Variants in TTBK1 observed in about 807,000 individuals in gnomAD.
The protein encoded by TTBK1 is tau-tubulin kinase 1.
TTBK1 carries 34 observed loss-of-function variants against 108.5 expected under a neutral mutation model. That is an observed-to-expected ratio of 0.31 (90% confidence interval 0.24 to 0.42). The LOEUF (loss-of-function observed/expected upper bound fraction) is 0.42, where lower values mean the gene tolerates loss of function less well. Among genes scored for constraint, TTBK1 ranks in the 10% least tolerant of loss-of-function variants. The probability of loss-of-function intolerance (pLI) is 1.00; values close to 1 mark genes in which losing one functional copy is unlikely to be tolerated. For missense variants in TTBK1, 1,539 were observed against 1,826.0 expected (o/e 0.84, Z 2.86); for synonymous variants, 809 against 795.1 (o/e 1.02, Z -0.29).
At position 43,283,614 on chromosome 6, in the gene TTBK1, C is replaced by T. The variant is rs145187814; in HGVS notation, c.2874C>T (p.Gly958=). 3.0e-4 allele frequency: 483 copies of T among 1,614,122 alleles called. 3 individuals carry two copies. The Middle Eastern group carries it at 8.6e-3, about 29-fold the overall frequency. Reference sequence around the variant, plus strand: ...GGTCTGAGGAGTTCAGCGCTGGGGGCGAGCTGGGTCTGGAGCTGGCCTCTG... The same window carrying T: ...GGTCTGAGGAGTTCAGCGCTGGGGGTGAGCTGGGTCTGGAGCTGGCCTCTG... ...ALRSEEFSAG[G]ELGLELASDG... Residue 958 remains glycine, a synonymous_variant, in exon 14 of 15, where the codon GGC becomes GGT. Coordinates refer to ENST00000259750, the MANE Select transcript of TTBK1 (RefSeq NM_032538.3). The surrounding 1 kb of genome is among the most constrained non-coding windows in gnomAD (Gnocchi z 8.1).
chr6:43,255,122 G>C lies in TTBK1; in HGVS notation c.642+8G>C, dbSNP rs1292865546. 2.6e-6 allele frequency: 4 copies of C among 1,565,786 alleles called. No homozygotes were observed. The South Asian group carries it at 3.3e-5, about 13-fold the overall frequency. The stretch of plus-strand genomic sequence containing the variant: ...AATGCCCACAAGAACCGGGTGAGTG[G>C]CAAAGCCCGGGATGCAGGATGTGGA... On this transcript the variant is annotated splice_region_variant and intron_variant, in intron 7 of 14. Coordinates refer to ENST00000259750, the MANE Select transcript of TTBK1 (RefSeq NM_032538.3).
At chr6:43,258,992 G>A (rs1358115631) in intron 10 of TTBK1, 46 bp from the exon 11 acceptor site, 2 of 1,473,838 alleles carry the variant, frequency 1.4e-6, no homozygotes, top group East Asian at 2.3e-5. Context: ...GGAAGGAGAG[G>A]GCACCCCTGC....
rs1252100177 is a variant in TTBK1, at chr6:43,285,206, G to A, written c.3796G>A (p.Ala1266Thr). 3.0e-6 allele frequency: 4 copies of A among 1,326,342 alleles called. No homozygotes were observed. Among genetic ancestry groups the A allele is most frequent in the Non-Finnish European group, 3.8e-6 (4 of 1,042,972 alleles). 82.2% of individuals were successfully genotyped at this position (1,326,342 alleles called of 1,614,324 possible). Residue 1266 changes from alanine (A) to threonine (T), a missense_variant, in exon 15 of 15, where the codon GCC (alanine) becomes ACC (threonine). By Grantham distance (58) the Ala-to-Thr change is moderately conservative (BLOSUM62 0). Around this residue, in one of 5 missense-constraint regions of TTBK1, gnomAD observed 1,055 missense variants for 1,086.5 expected, o/e 0.97. Transcript: ENST00000259750. The surrounding 1 kb of genome is among the most constrained non-coding windows in gnomAD (Gnocchi z 4.7). ...RRESPSPSHQ[A>T]RPGVPPPRGV... ...AGAGAGCCCCTCCCCCTCGCACCAG[G>A]CCCGGCCCGGGGTCCCCCCGCCCCG...
At position 43,275,987 on chromosome 6, in the gene TTBK1, G is replaced by C. The variant is rs535880822; in HGVS notation, c.1987-6740G>C. ...CCGGAGAAGCGGGACTGGTAGGAGA[G>C]AGAAACTCAGCACCGGGGCCCAGCT... On this transcript the variant is annotated intron_variant, in intron 13 of 14. Transcript: ENST00000259750. Among the ~76,000 whole-genome samples, 189 of 152,196 alleles carry C rather than the reference G, an allele frequency of 1.2e-3. 3 individuals are homozygous for C. In the South Asian group the frequency reaches 0.038, roughly 31 times the overall value.
rs1777776467 is a variant in TTBK1 at position 43,269,784 on chromosome 6, G to C, written c.1986+6434G>C. The C allele has an allele frequency of 1.3e-6, 2 of 1,576,886 alleles. No homozygotes were observed. The highest frequency in any genetic ancestry group is 1.8e-5 in the Admixed American group (1 of 56,046). On this transcript the variant is annotated intron_variant, in intron 13 of 14. Coordinates refer to ENST00000259750, the MANE Select transcript of TTBK1 (RefSeq NM_032538.3). The surrounding 1 kb of genome is among the most constrained non-coding windows in gnomAD (Gnocchi z 4.8). The stretch of plus-strand genomic sequence containing the variant: ...CGGCGGCGGCTCCTCGGGCTCCTCC[G>C]GTTCCCTCATTCAGCGCAGCCGCTC...
chr6:43,270,697 G>A (rs748424286), intron 13 of TTBK1: 46 of 985,204 alleles, frequency 4.7e-5, no homozygotes, highest in Non-Finnish European at 5.2e-5. Context: ...GTCTGTCCTC[G>A]GCTCCTCAGG....
intron 2 of TTBK1, 82 bp from the exon 3 acceptor site, chr6:43,252,657 G>T: frequency 6.7e-7 from 1 of 1,494,402 alleles, no homozygotes; most frequent in Non-Finnish European, 9.1e-7. Flanking sequence ...CCCCACCAAT[G>T]AAGGATGCAA....
At position 43,269,384 on chromosome 6, in the gene TTBK1, A is replaced by AT. The variant is rs1777763116; in HGVS notation, c.1986+6035dup. On this transcript the variant is annotated intron_variant, in intron 13 of 14. Transcript: ENST00000259750. The surrounding 1 kb of genome is among the most constrained non-coding windows in gnomAD (Gnocchi z 4.8). ...GGCTTCTCGGAGGAGGTGAGTGACC[A>AT]TGGTCTCCTTGCAGAGACCATAGTG... Among the ~76,000 whole-genome samples, 1 of 152,232 alleles carries AT rather than the reference A, an allele frequency of 6.6e-6. No homozygotes were observed. Among genetic ancestry groups the AT allele is most frequent in the Admixed American group, 6.5e-5 (1 of 15,290 alleles).
At position 43,263,648 on chromosome 6, in the gene TTBK1, G is replaced by A. The variant is rs1198689841; in HGVS notation, c.1986+298G>A. On this transcript the variant is annotated intron_variant, in intron 13 of 14. Transcript: ENST00000259750. This position sits in a 1 kb window ranked among gnomAD's most constrained non-coding sequence, Gnocchi z 4.7. ...GCACAGTGTTTTGCACAGGCCGGGA[G>A]GGGGCGATCTGAGAACACTGAGCTG... Among the ~76,000 whole-genome samples, 1 of 152,198 alleles carries A rather than the reference G, an allele frequency of 6.6e-6. No individual in the cohort carries two copies. Among genetic ancestry groups the A allele is most frequent in the Non-Finnish European group, 1.5e-5 (1 of 68,046 alleles).
intron 13 of TTBK1, among the ~76,000 whole-genome samples, chr6:43,264,313 G>A (rs1777622506): frequency 6.6e-6 from 1 of 152,132 alleles, no homozygotes. Context: ...AACCCAAGAG[G>A]CAGAGGTTGC....
chr6:43,252,762 C>T lies in TTBK1; in HGVS notation c.132C>T (p.Gly44=). The T allele has an allele frequency of 6.2e-7, 1 of 1,613,916 alleles. No homozygotes were observed. The highest frequency in any genetic ancestry group is 8.5e-7 in the Non-Finnish European group (1 of 1,179,984). The change falls in exon 3 of 15, where the codon GGC becomes GGT. Residue 44 remains glycine (G), a synonymous_variant. Coordinates refer to ENST00000259750, the MANE Select transcript of TTBK1 (RefSeq NM_032538.3). ...AGCTGAAAAAGATCGGGGGCGGGGG[C>T]TTTGGTGAGATCTACGAGGCCATGG... is the stretch of plus-strand genomic sequence containing the variant. ...WKVLKKIGGG[G]FGEIYEAMDL... is the part of the protein sequence containing the mutation.
At chr6:43,258,964 C>A (rs990598996) in intron 10 of TTBK1, 74 bp from the exon 11 acceptor site, 4 of 1,170,804 alleles carry the variant, frequency 3.4e-6, no homozygotes, top group Admixed American at 2.3e-5. Flanking sequence ...CAGGTCTGTG[C>A]TGGTAGGAGA....
intron 7 of TTBK1, 31 bp downstream of exon 7, chr6:43,255,145 G>A (rs1777350556): frequency 6.3e-7 from 1 of 1,599,864 alleles, no homozygotes; most frequent in African/African-American, 1.3e-5. Flanking sequence ...TGCAGGATGT[G>A]GAGGTGGGAG....
chr6:43,283,268 A>G lies in TTBK1; in HGVS notation c.2528A>G (p.Asp843Gly). 6.4e-7 allele frequency: 1 copy of G among 1,557,676 alleles called. No individual in the cohort carries two copies. The highest frequency in any genetic ancestry group is 8.7e-7 in the Non-Finnish European group (1 of 1,150,982). Residue 843 changes from aspartate (D) to glycine (G), a missense_variant, in exon 14 of 15, where the codon GAC (aspartate) becomes GGC (glycine). Around this residue, in one of 5 missense-constraint regions of TTBK1, gnomAD observed 1,055 missense variants for 1,086.5 expected, o/e 0.97. Coordinates refer to ENST00000259750, the MANE Select transcript of TTBK1 (RefSeq NM_032538.3). This position sits in a 1 kb window ranked among gnomAD's most constrained non-coding sequence, Gnocchi z 8.1. ...ACGCTGGTGCTTGTCTCTCCTGGCG[A>G]CATGAAGAAGTCGCCCGTCACTGCC... ...SKTLVLVSPG[D>G]MKKSPVTAEL...
rs754789074 is a variant in TTBK1 at position 43,269,986 on chromosome 6, G to T, written c.1986+6636G>T. The T allele has an allele frequency of 2.8e-5, 40 of 1,429,538 alleles. No homozygotes were observed. The highest frequency in any genetic ancestry group is 3.4e-5 in the Non-Finnish European group (37 of 1,096,510). 88.6% of individuals were successfully genotyped at this position (1,429,538 alleles called of 1,614,324 possible). A position where few individuals can be genotyped will look rare whatever the true frequency, so the allele number is the denominator to read the frequency against. On this transcript the variant is annotated intron_variant, in intron 13 of 14. Transcript: ENST00000259750. This position sits in a 1 kb window ranked among gnomAD's most constrained non-coding sequence, Gnocchi z 4.8. ...CCCCCCTCCTGGAGGGGGCAGGTGG[G>T]GGGGGGTGGGGAGCAGGCAGAGGAC...
intron 7 of TTBK1, 83 bp downstream of exon 7, chr6:43,255,197 G>GGGGGGGGC: frequency 1.6e-6 from 1 of 638,346 alleles, no homozygotes. Flanking sequence ...GAGGGGTGGG[G>GGGGGGGGC]AGAGGAGAGT....
chr6:43,272,861 T>C (rs1268570020), intron 13 of TTBK1, among the ~76,000 whole-genome samples: 1 of 152,082 alleles, frequency 6.6e-6, no homozygotes, highest in African/African-American at 2.4e-5. Context: ...TGTTTCAAGA[T>C]TGATACCCTG....
intron 12 of TTBK1, among the ~76,000 whole-genome samples, chr6:43,262,002 A>G (rs1777554083): frequency 6.6e-6 from 1 of 152,064 alleles, no homozygotes; most frequent in South Asian, 2.1e-4. Context: ...TCCTTGTAGG[A>G]TGGGAAAGGC....
chr6:43,256,706 T>G (rs967419258), intron 9 of TTBK1, among the ~76,000 whole-genome samples: 1 of 151,972 alleles, frequency 6.6e-6, no homozygotes, highest in African/African-American at 2.4e-5. Flanking sequence ...ACCACAGCAC[T>G]CCCGCCTGGG....
Sources: allele counts gnomAD v4.1 joint callset (sites outside exome capture counted in the v4.1 genomes callset), GRCh38; gene constraint gnomAD v4.1.1; regional missense constraint gnomAD v4.1.1; non-coding constraint Gnocchi (gnomAD v3.1); transcripts MANE v1.5; gene names NCBI Gene and HGNC (gene_info 2026-07-23, HGNC 2026-07-21).